Variants in PTCH1 observed in about 807,000 individuals in gnomAD.
PTCH1 encodes patched 1.
In PTCH1, 14 loss-of-function variants were observed where a neutral mutation model predicts 144.6. The observed-to-expected ratio is 0.10, with a 90% CI of 0.06 to 0.15. The LOEUF is 0.15. Among genes scored for constraint, PTCH1 ranks in the 10% least tolerant of loss-of-function variants. The pLI, the probability that PTCH1 is intolerant of heterozygous loss-of-function variation, is 1.00. For synonymous variants in PTCH1, 833 were observed against 793.6 expected (o/e 1.05, Z -0.83); for missense variants, 1,623 against 1,948.3 (o/e 0.83, Z 3.14).
intron 12 of PTCH1, among the ~76,000 whole-genome samples, chr9:95,472,545 G>A (rs1588586225): frequency 1.3e-5 from 2 of 152,306 alleles, no homozygotes; most frequent in South Asian, 4.1e-4. Context: ...TTAGAATGGA[G>A]GAGTGGAATG....
At chr9:95,504,139 T>C (rs555983850) in intron 2 of PTCH1, among the ~76,000 whole-genome samples, 15 of 145,268 alleles carry the variant, frequency 1.0e-4, no homozygotes, top group African/African-American at 3.7e-4. Flanking sequence ...TGGCAGTTGC[T>C]CAACAAGTGA....
Position 95,494,193 on chromosome 9 carries a change from G to A in PTCH1, c.395-8319C>T, listed in dbSNP as rs879822133. 13 of 984,840 alleles carry A rather than the reference G, an allele frequency of 1.3e-5. No individual in the cohort carries two copies. In the Admixed American group the frequency reaches 2.5e-4, roughly 19 times the overall value. The allele number at this position is 984,840 out of a possible 1,614,324, so 61.0% of individuals were successfully genotyped here. On this transcript the variant is annotated intron_variant, in intron 2 of 23. Coordinates refer to ENST00000331920, the MANE Select transcript of PTCH1 (RefSeq NM_000264.5). ...GCAAGCTTCCCCGCCCCCACCAGCT[G>A]CTGGCAGTGCCATCTGTTATCAGCC... is the stretch of plus-strand genomic sequence containing the variant.
chr9:95,479,030 G>A lies in PTCH1; in HGVS notation c.1185C>T (p.Ile395=). 6.2e-7 allele frequency: 1 copy of A among 1,614,228 alleles called. No homozygotes were observed. Among genetic ancestry groups the A allele is most frequent in the Non-Finnish European group, 8.5e-7 (1 of 1,180,042 alleles). ...CATATGTCCTCTGCCAGGCCTCCAG[G>A]ATGGCTGCCGCTTTGTCCTCGTTCC... ...INWNEDKAAA[I]LEAWQRTYVE... The change falls in exon 8 of 24, where the codon ATC becomes ATT. Residue 395 remains isoleucine, a synonymous_variant. Transcript: ENST00000331920.
At chr9:95,508,093 G>C in intron 1 of PTCH1, 68 bp downstream of exon 1, 1 of 1,594,766 alleles carries the variant, frequency 6.3e-7, no homozygotes. Context: ...GTGTTTGTGT[G>C]TGGCGGGGGC....
chr9:95,497,133 A>C (rs1050687628), intron 2 of PTCH1, among the ~76,000 whole-genome samples: 2 of 152,252 alleles, frequency 1.3e-5, no homozygotes, highest in Non-Finnish European at 1.5e-5. Flanking sequence ...CAATTCCGCA[A>C]ATTCAAACTG....
At chr9:95,471,059 G>T (rs1840524730) in intron 12 of PTCH1, among the ~76,000 whole-genome samples, 1 of 151,680 alleles carries the variant, frequency 6.6e-6, no homozygotes, top group South Asian at 2.1e-4. Context: ...CTCCAGCCTG[G>T]GTGACAGAGT....
chr9:95,470,184 T>C (rs1475148759), intron 12 of PTCH1, among the ~76,000 whole-genome samples: 2 of 152,204 alleles, frequency 1.3e-5, no homozygotes, highest in Non-Finnish European at 2.9e-5. Flanking sequence ...ACCTGGGAAC[T>C]AAACTACTAA....
chr9:95,480,906 A>AT (rs1261066375), intron 5 of PTCH1, among the ~76,000 whole-genome samples: 7 of 130,692 alleles, frequency 5.4e-5, no homozygotes, highest in African/African-American at 1.4e-4. Flanking sequence ...TCCAAAATTA[A>AT]ATTTTTTTTT....
rs139123130 is a variant in PTCH1 at position 95,449,186 on chromosome 9, C to T, written c.3687G>A (p.Thr1229=). The change falls in exon 22 of 24, where the codon ACG becomes ACA. Residue 1229 remains threonine (T), a synonymous_variant. Transcript: ENST00000331920. The surrounding 1 kb of genome is among the most constrained non-coding windows in gnomAD (Gnocchi z 5.3). Reference sequence around the variant, plus strand: ...GCTCCTCGCTGAGGCCTGACACTGTCGTCTGGGAACTATACTCCGAGTCGG... The same window carrying T: ...GCTCCTCGCTGAGGCCTGACACTGTTGTCTGGGAACTATACTCCGAGTCGG... ...DSSDSEYSSQ[T]TVSGLSEELR... is the part of the protein sequence containing the mutation. 140 of 1,611,648 alleles carry T rather than the reference C, an allele frequency of 8.7e-5. 1 individual carries two copies. The African/African-American group carries it at 1.4e-3, about 17-fold the overall frequency.
exon 1 of PTCH1, chr9:95,516,898 CT>C: frequency 7.9e-7 from 1 of 1,266,648 alleles, no homozygotes; most frequent in Non-Finnish European, 1.1e-6. Context: ...AACTTTACCC[CT>C]TTACAATAAA....
At position 95,462,957 on chromosome 9, in the gene PTCH1, C is replaced by CGCTGGCTGG. The variant is rs1183896540; in HGVS notation, c.2561-968_2561-960dup. Among the ~76,000 whole-genome samples the CGCTGGCTGG allele has an allele frequency of 6.6e-5, 10 of 152,270 alleles. No individual in the cohort carries two copies. In the East Asian group the frequency reaches 1.9e-3, roughly 29 times the overall value. On this transcript the variant is annotated intron_variant, in intron 15 of 23. Coordinates refer to ENST00000331920, the MANE Select transcript of PTCH1 (RefSeq NM_000264.5). ...CGGTGACCCGGCCTTAGGGTCTGAG[C>CGCTGGCTGG]GCTGGCTGGTGCGCACGCTCTCCGG...
At chr9:95,507,816 C>T in intron 1 of PTCH1, 1 of 703,200 alleles carries the variant, frequency 1.4e-6, no homozygotes. Flanking sequence ...GGGCACGGGG[C>T]AGGACAGTGC....
intron 1 of PTCH1, chr9:95,507,903 T>TAC: frequency 1.5e-6 from 2 of 1,300,574 alleles, no homozygotes; most frequent in East Asian, 3.2e-5. Flanking sequence ...AGGGCGTGTG[T>TAC]ATACACACAC....
upstream of PTCH1, among the ~76,000 whole-genome samples, chr9:95,510,842 A>C (rs1012798253): frequency 1.3e-5 from 2 of 151,014 alleles, no homozygotes; most frequent in African/African-American, 4.9e-5. Flanking sequence ...CCGCGCCAGG[A>C]GGCCCGGTGC....
At chr9:95,511,420 A>G (rs1284407275), upstream of PTCH1, among the ~76,000 whole-genome samples, 4 of 152,140 alleles carry the variant, frequency 2.6e-5, no homozygotes, top group Non-Finnish European at 5.9e-5. Context: ...CGCAAACCGT[A>G]TGCGGTGCCG....
At chr9:95,494,541 G>GT in intron 2 of PTCH1, 2 of 826,384 alleles carry the variant, frequency 2.4e-6, no homozygotes, top group Non-Finnish European at 2.9e-6. Context: ...GCTGGGAACT[G>GT]TCCCAGGTTC....
intron 22 of PTCH1, among the ~76,000 whole-genome samples, chr9:95,448,365 T>A (rs1487080005): frequency 6.6e-6 from 1 of 152,130 alleles, no homozygotes; most frequent in African/African-American, 2.4e-5. Flanking sequence ...TGGAGCAACA[T>A]CAGCCCAGAA....
intron 3 of PTCH1, chr9:95,484,248 T>C (rs1483518605): frequency 6.6e-6 from 1 of 152,230 alleles, no homozygotes; most frequent in African/African-American, 2.4e-5. Context: ...TACCAGGTAG[T>C]TGCTTCCCTA....
chr9:95,471,514 G>C (rs1399206948), intron 12 of PTCH1, among the ~76,000 whole-genome samples: 2 of 152,266 alleles, frequency 1.3e-5, no homozygotes, highest in African/African-American at 4.8e-5. Flanking sequence ...GAGAAAGAGA[G>C]AGATCTTTTA....
Sources: allele counts gnomAD v4.1 joint callset (sites outside exome capture counted in the v4.1 genomes callset), GRCh38; gene constraint gnomAD v4.1.1; non-coding constraint Gnocchi (gnomAD v3.1); transcripts MANE v1.5; gene names NCBI Gene and HGNC (gene_info 2026-07-23, HGNC 2026-07-21).